Variants in MYO3B observed in about 807,000 individuals in gnomAD.
MYO3B encodes myosin-IIIb.
Under a neutral mutation model 174.6 loss-of-function variants are expected in MYO3B, and 156 were observed. The observed-to-expected ratio is 0.89, with a 90% CI of 0.78 to 1.02. The LOEUF is 1.02. MYO3B is among the 50% of genes least tolerant of loss of function. The probability of loss-of-function intolerance (pLI) is 0.00; values close to 1 mark genes in which losing one functional copy is unlikely to be tolerated. For missense variants in MYO3B, 1,632 were observed against 1,639.4 expected (o/e 1.00, Z 0.08); for synonymous variants, 563 against 569.1 (o/e 0.99, Z 0.15).
chr2:170,639,929 T>A lies in MYO3B; in HGVS notation c.3734-11699T>A, dbSNP rs190192879. Reference sequence around the variant, plus strand: ...TATGTCTACTTTGGGCTCAAGCCATTTGATGCAGCTTCCAGCACAAAGCAA... The same window carrying A: ...TATGTCTACTTTGGGCTCAAGCCATATGATGCAGCTTCCAGCACAAAGCAA... On this transcript the variant is annotated intron_variant, in intron 32 of 34. Coordinates refer to ENST00000408978, the MANE Select transcript of MYO3B (RefSeq NM_138995.5). 2.4e-3 allele frequency among the ~76,000 whole-genome samples: 367 copies of A among 152,296 alleles called. 2 individuals are homozygous for A. Among genetic ancestry groups the A allele is most frequent in the Admixed American group, 3.8e-3 (58 of 15,302 alleles).
chr2:170,209,923 T>A (rs549392614), intron 3 of MYO3B, among the ~76,000 whole-genome samples: 46 of 152,330 alleles, frequency 3.0e-4, no homozygotes, highest in Non-Finnish European at 6.3e-4. Context: ...CTTTTACCTC[T>A]CTTTTGGATA....
chr2:170,359,011 ATAAC>A lies in MYO3B; in HGVS notation c.816-10207_816-10204del, dbSNP rs375728938. 2.4e-4 allele frequency among the ~76,000 whole-genome samples: 36 copies of A among 152,296 alleles called. No homozygotes were observed. In the East Asian group the frequency reaches 6.2e-3, roughly 26 times the overall value. ...CGAGAGTAGTCAGAAAAGTAAAAGAATAACTAAGAGATGTAGCATCACTACAGGC... is the reference window on the plus strand; with the variant it reads ...CGAGAGTAGTCAGAAAAGTAAAAGAATAAGAGATGTAGCATCACTACAGGC... On this transcript the variant is annotated intron_variant, in intron 8 of 34. Coordinates refer to ENST00000408978, the MANE Select transcript of MYO3B (RefSeq NM_138995.5).
chr2:170,561,723 G>C (rs1346300398), intron 32 of MYO3B, among the ~76,000 whole-genome samples: 1 of 152,148 alleles, frequency 6.6e-6, no homozygotes, highest in Non-Finnish European at 1.5e-5. Flanking sequence ...AGTATTTGTA[G>C]ATTGCTCTTT....
At chr2:170,466,969 G>A (rs1684678658) in intron 25 of MYO3B, among the ~76,000 whole-genome samples, 1 of 152,058 alleles carries the variant, frequency 6.6e-6, no homozygotes, top group Admixed American at 6.5e-5. Flanking sequence ...AAATCCTTAG[G>A]TCTCAAGTTC....
chr2:170,593,404 C>G (rs1693945023), intron 32 of MYO3B, among the ~76,000 whole-genome samples: 1 of 152,190 alleles, frequency 6.6e-6, no homozygotes, highest in Admixed American at 6.5e-5. Context: ...TGCCTGGCCG[C>G]ATCTCCATTT....
intron 32 of MYO3B, among the ~76,000 whole-genome samples, chr2:170,549,267 G>GGA (rs1690730127): frequency 6.6e-6 from 1 of 152,146 alleles, no homozygotes; most frequent in South Asian, 2.1e-4. Context: ...CTGTCTACAG[G>GGA]GAGTATACCT....
At chr2:170,555,496 G>T (rs1417310267) in intron 32 of MYO3B, among the ~76,000 whole-genome samples, 1 of 152,030 alleles carries the variant, frequency 6.6e-6, no homozygotes, top group Non-Finnish European at 1.5e-5. Context: ...TGCCTCCATA[G>T]CTTTGCCTTT....
At chr2:170,517,770 A>G (rs79153210) in intron 29 of MYO3B, among the ~76,000 whole-genome samples, 1,729 of 152,144 alleles carry the variant, frequency 0.011, 29 homozygotes, top group African/African-American at 0.039. Context: ...TGCTTATCAC[A>G]GCATTGCAAG....
intron 8 of MYO3B, among the ~76,000 whole-genome samples, chr2:170,355,327 T>A (rs965948191): frequency 6.6e-6 from 1 of 152,238 alleles, no homozygotes; most frequent in Admixed American, 6.5e-5. Context: ...TTTCTCCAAT[T>A]TGATGTTCAC....
At chr2:170,263,819 C>G (rs893456512) in intron 7 of MYO3B, among the ~76,000 whole-genome samples, 1 of 151,750 alleles carries the variant, frequency 6.6e-6, no homozygotes, top group African/African-American at 2.4e-5. Context: ...TGCAAAGAGG[C>G]CTTCCTCTTT....
intron 3 of MYO3B, 133 bp from the exon 4 acceptor site, chr2:170,214,246 T>C: frequency 1.6e-6 from 1 of 630,198 alleles, no homozygotes; most frequent in Non-Finnish European, 2.7e-6. Context: ...GTCTGAGTAT[T>C]CCAAGCTGGA....
At chr2:170,562,133 G>A (rs562707414) in intron 32 of MYO3B, among the ~76,000 whole-genome samples, 1 of 152,250 alleles carries the variant, frequency 6.6e-6, no homozygotes, top group African/African-American at 2.4e-5. Flanking sequence ...CATGAAGATT[G>A]GGATAATATT....
chr2:170,439,147 C>T (rs7601622), intron 22 of MYO3B, among the ~76,000 whole-genome samples: 11 of 148,358 alleles, frequency 7.4e-5, no homozygotes, highest in South Asian at 4.3e-4. Flanking sequence ...CTGAGGCAGG[C>T]GGATCATGAG....
intron 27 of MYO3B, among the ~76,000 whole-genome samples, chr2:170,500,835 G>T (rs1192173314): frequency 6.6e-6 from 1 of 152,214 alleles, no homozygotes; most frequent in African/African-American, 2.4e-5. Context: ...TAAACCAAGG[G>T]AAGAGGTTGC....
chr2:170,627,468 GT>G (rs1696547614), intron 32 of MYO3B, among the ~76,000 whole-genome samples: 2 of 152,014 alleles, frequency 1.3e-5, no homozygotes, highest in African/African-American at 4.8e-5. Flanking sequence ...TTTTTTCAAG[GT>G]TTTTAACTTC....
In MYO3B at chr2:170,202,948, C is replaced by T. The variant is rs369622265; in HGVS notation, c.321+2664C>T. On this transcript the variant is annotated intron_variant, in intron 3 of 34. Transcript: ENST00000408978. ...TGTTATTAATAATCCCCTTAAATCA[C>T]GACAACTCTGAAAACAAAGCAAATA... Among the ~76,000 whole-genome samples the T allele has an allele frequency of 1.5e-4, 23 of 152,066 alleles. 1 individual carries two copies. Among genetic ancestry groups the T allele is most frequent in the Admixed American group, 8.5e-4 (13 of 15,262 alleles).
At chr2:170,258,889 G>T (rs926789891) in intron 7 of MYO3B, among the ~76,000 whole-genome samples, 3 of 152,032 alleles carry the variant, frequency 2.0e-5, no homozygotes, top group African/African-American at 4.8e-5. Context: ...CAAAATTATC[G>T]TACAAAAATC....
intron 25 of MYO3B, among the ~76,000 whole-genome samples, chr2:170,489,674 TAA>T (rs1309027105): frequency 0.049 from 7,041 of 142,850 alleles, 517 homozygotes; most frequent in African/African-American, 0.17. Context: ...TGTGTCTGGG[TAA>T]GTGTGGGTAA....
At chr2:170,417,686 C>T (rs953117304) in intron 22 of MYO3B, among the ~76,000 whole-genome samples, 4 of 152,302 alleles carry the variant, frequency 2.6e-5, no homozygotes, top group Admixed American at 6.5e-5. Context: ...CTTGTTTCTG[C>T]ACCAACCCTC....
Sources: gnomAD v4.1 joint callset for allele counts (sites outside exome capture counted in the v4.1 genomes callset) on GRCh38, gnomAD v4.1.1 for gene constraint, MANE v1.5 for transcripts, NCBI Gene and HGNC (gene_info 2026-07-23, HGNC 2026-07-21) for gene names.